The following GRM1 variants were observed in gnomAD, a reference collection of about 807,000 sequenced individuals.
The protein encoded by GRM1 is metabotropic glutamate receptor 1.
A neutral mutation model predicts 90.9 loss-of-function variants in GRM1; 33 were observed. That is an observed-to-expected ratio of 0.36 (90% CI 0.28 to 0.49). The LOEUF is 0.49. GRM1 is among the 20% of genes least tolerant of loss of function. The pLI, the probability that GRM1 is intolerant of heterozygous loss-of-function variation, is 0.99. For synonymous variants in GRM1, 700 were observed against 613.2 expected, an observed-to-expected ratio of 1.14 and a Z score of -2.09; for missense variants, 1,190 against 1,534.3, an observed-to-expected ratio of 0.78 and a Z score of 3.75.
intron 1 of GRM1, among the ~76,000 whole-genome samples, chr6:146,143,427 T>A (rs1301154902): frequency 6.6e-6 from 1 of 152,226 alleles, no homozygotes; most frequent in Non-Finnish European, 1.5e-5. Flanking sequence ...GGAGAACAGC[T>A]GGATCCTGAT....
intron 1 of GRM1, among the ~76,000 whole-genome samples, chr6:146,102,972 G>A (rs1777101326): frequency 6.6e-6 from 1 of 152,120 alleles, no homozygotes. Context: ...CAAATATTTG[G>A]GGATACCTCA....
chr6:146,399,751 T>TTCTCTCTC lies in GRM1; in HGVS notation c.2660+68_2660+75dup, dbSNP rs57974513. ...CTTTTCTCTTCCTTTCTCTGTCTCT[T>TTCTCTCTC]TCTCTCTCTCTCTCTCTCTCTCTTT... On this transcript the variant is annotated intron_variant, in intron 7 of 7. Transcript: ENST00000282753. The surrounding 1 kb of genome is among the most constrained non-coding windows in gnomAD (Gnocchi z 5.4). The TTCTCTCTC allele has an allele frequency of 8.5e-6, 9 of 1,063,348 alleles. No homozygotes were observed. The highest frequency in any genetic ancestry group is 2.7e-5 in the South Asian group (2 of 73,386). The allele number at this position is 1,063,348 out of a possible 1,614,324, so 65.9% of individuals were successfully genotyped here. A position where few individuals can be genotyped will look rare whatever the true frequency, so the allele number is the denominator to read the frequency against.
At chr6:146,210,826 G>T (rs1232401798) in intron 2 of GRM1, among the ~76,000 whole-genome samples, 1 of 152,152 alleles carries the variant, frequency 6.6e-6, no homozygotes, top group Non-Finnish European at 1.5e-5. Flanking sequence ...GGGGTTGCTT[G>T]CATGGCATTG....
intron 2 of GRM1, among the ~76,000 whole-genome samples, chr6:146,232,564 T>C (rs1354787602): frequency 6.6e-6 from 1 of 152,096 alleles, no homozygotes; most frequent in Non-Finnish European, 1.5e-5. Context: ...ATTTTTAATG[T>C]ACAATTAAGT....
intron 5 of GRM1, among the ~76,000 whole-genome samples, chr6:146,384,776 A>G (rs1013361463): frequency 1.3e-5 from 2 of 152,124 alleles, no homozygotes; most frequent in African/African-American, 4.8e-5. Flanking sequence ...AGACATAAAT[A>G]TAAAAAGAAG....
intron 2 of GRM1, among the ~76,000 whole-genome samples, chr6:146,287,595 C>T (rs1264012131): frequency 1.3e-5 from 2 of 152,240 alleles, no homozygotes; most frequent in Non-Finnish European, 2.9e-5. Flanking sequence ...TTTAGCATTC[C>T]CCAACAGGAT....
At chr6:146,208,264 A>C (rs1319279496) in intron 2 of GRM1, among the ~76,000 whole-genome samples, 1 of 152,212 alleles carries the variant, frequency 6.6e-6, no homozygotes, top group Non-Finnish European at 1.5e-5. Flanking sequence ...TAATGGCATA[A>C]CATGCTTTCA....
intron 5 of GRM1, among the ~76,000 whole-genome samples, chr6:146,369,595 T>A (rs1190720505): frequency 6.6e-6 from 1 of 152,096 alleles, no homozygotes; most frequent in African/African-American, 2.4e-5. Context: ...TTCAGTAGCG[T>A]GTCATTTATT....
chr6:146,302,374 G>A (rs1185824182), intron 2 of GRM1, among the ~76,000 whole-genome samples: 2 of 148,578 alleles, frequency 1.3e-5, no homozygotes, highest in African/African-American at 5.0e-5. Flanking sequence ...CATGATACTG[G>A]TCACTTTTTT....
chr6:146,332,778 T>A (rs1009014744), intron 3 of GRM1, among the ~76,000 whole-genome samples: 1 of 152,236 alleles, frequency 6.6e-6, no homozygotes, highest in African/African-American at 2.4e-5. Flanking sequence ...TATCAGTTTT[T>A]TAAGGTATTT....
chr6:146,240,448 G>A (rs1780814802), intron 2 of GRM1, among the ~76,000 whole-genome samples: 1 of 151,736 alleles, frequency 6.6e-6, no homozygotes, highest in African/African-American at 2.4e-5. Flanking sequence ...ACTATCTGTG[G>A]CTGCAAGAAA....
intron 6 of GRM1, among the ~76,000 whole-genome samples, chr6:146,391,516 A>C (rs1298608948): frequency 6.6e-6 from 1 of 151,948 alleles, no homozygotes; most frequent in Non-Finnish European, 1.5e-5. Context: ...CCCTCTTTCT[A>C]GTTTTGGGAT....
At chr6:146,270,952 CCTTTCTTT>C (rs1311035928) in intron 2 of GRM1, among the ~76,000 whole-genome samples, 14 of 95,350 alleles carry the variant, frequency 1.5e-4, no homozygotes, top group African/African-American at 5.4e-4. Flanking sequence ...TTCCTTCCTT[CCTTTCTTT>C]CTTTCTTTTT....
chr6:146,317,784 G>T (rs1376084592), intron 3 of GRM1, among the ~76,000 whole-genome samples: 1 of 152,114 alleles, frequency 6.6e-6, no homozygotes, highest in African/African-American at 2.4e-5. Flanking sequence ...TCCACTAAAA[G>T]TTATATGTGT....
At chr6:146,250,357 C>T (rs1320776790) in intron 2 of GRM1, among the ~76,000 whole-genome samples, 1 of 152,090 alleles carries the variant, frequency 6.6e-6, no homozygotes, top group African/African-American at 2.4e-5. Flanking sequence ...AAGGGAGGAA[C>T]CTAGTGGGAG....
intron 5 of GRM1, among the ~76,000 whole-genome samples, chr6:146,359,750 T>A (rs1257589365): frequency 6.6e-6 from 1 of 152,100 alleles, no homozygotes; most frequent in Non-Finnish European, 1.5e-5. Context: ...GACACTGAAG[T>A]GTTTCTGCCA....
intron 1 of GRM1, among the ~76,000 whole-genome samples, chr6:146,085,717 C>G (rs941436527): frequency 6.6e-6 from 1 of 152,132 alleles, no homozygotes; most frequent in East Asian, 1.9e-4. Flanking sequence ...GTATAAACCA[C>G]TGTTCTTTTC....
At position 146,435,136 on chromosome 6, in the gene GRM1, A is replaced by C; in HGVS notation, c.*340A>C. 1 of 421,236 alleles carries C rather than the reference A, an allele frequency of 2.4e-6. No homozygotes were observed. Among genetic ancestry groups the C allele is most frequent in the Non-Finnish European group, 4.5e-6 (1 of 224,064 alleles). The allele number at this position is 421,236 out of a possible 1,614,324, so 26.1% of individuals were successfully genotyped here. On this transcript the variant is annotated 3_prime_UTR_variant, in exon 8 of 8. Transcript: ENST00000282753. ...CAAACATAATGTCCTCTTTTGCACA[A>C]TTGTGCATAGATATATATATGCCCA... is the stretch of plus-strand genomic sequence containing the variant.
At chr6:146,136,594 G>T (rs527386473) in intron 1 of GRM1, among the ~76,000 whole-genome samples, 1 of 152,006 alleles carries the variant, frequency 6.6e-6, no homozygotes, top group Non-Finnish European at 1.5e-5. Context: ...TGTCTATTCC[G>T]ATCTTTTGCT....
Sources: gnomAD v4.1 joint callset for allele counts (sites outside exome capture counted in the v4.1 genomes callset) on GRCh38, gnomAD v4.1.1 for gene constraint, Gnocchi (gnomAD v3.1) non-coding constraint, MANE v1.5 for transcripts, NCBI Gene and HGNC (gene_info 2026-07-23, HGNC 2026-07-21) for gene names.